The following NRXN1 variants were observed in gnomAD, a reference collection of about 807,000 sequenced individuals.
NRXN1 encodes neurexin 1.
NRXN1 carries 39 observed loss-of-function variants against 150.9 expected under a neutral mutation model. The ratio of observed to expected loss-of-function variants is 0.26; its 90% confidence interval spans 0.20 to 0.34. The LOEUF (loss-of-function observed/expected upper bound fraction) is 0.34. Among genes scored for constraint, NRXN1 ranks in the 10% least tolerant of loss-of-function variants. The probability of loss-of-function intolerance (pLI) is 1.00; values close to 1 mark genes in which losing one functional copy is unlikely to be tolerated. For missense variants in NRXN1, 1,815 were observed against 1,949.9 expected, an observed-to-expected ratio of 0.93 and a Z score of 1.30; for synonymous variants, 924 against 757.0, an observed-to-expected ratio of 1.22 and a Z score of -3.62.
intron 17 of NRXN1, among the ~76,000 whole-genome samples, chr2:50,411,086 C>T (rs1048971728): frequency 1.3e-4 from 19 of 151,714 alleles, no homozygotes; most frequent in Non-Finnish European, 2.9e-5. Context: ...TGGTCTCCCT[C>T]TGATGCCGAG....
chr2:49,922,106 C>T lies in NRXN1; in HGVS notation c.4362G>A (p.Lys1454=). Residue 1454 remains lysine, a synonymous_variant, in exon 23 of 23, where the codon AAG becomes AAA. Coordinates refer to ENST00000401669, the MANE Select transcript of NRXN1 (RefSeq NM_001330078.2). ...ATGAGCCTTCATCCCGGTTTCTGTA[C>T]TTGTACATGGCATAGAGGAGGATAA... is the stretch of plus-strand genomic sequence containing the variant. ...CILILLYAMY[K]YRNRDEGSYH... is the part of the protein sequence containing the mutation. 2 of 1,614,110 alleles carry T rather than the reference C, an allele frequency of 1.2e-6. No homozygotes were observed. Among genetic ancestry groups the T allele is most frequent in the Non-Finnish European group, 1.7e-6 (2 of 1,180,032 alleles).
intron 17 of NRXN1, among the ~76,000 whole-genome samples, chr2:50,431,264 A>G (rs1485752379): frequency 3.3e-5 from 5 of 152,152 alleles, no homozygotes; most frequent in East Asian, 1.9e-4. Context: ...CATAATTACC[A>G]TGGCTTACCT....
chr2:50,345,282 T>C (rs1045169737), intron 17 of NRXN1, among the ~76,000 whole-genome samples: 1 of 152,166 alleles, frequency 6.6e-6, no homozygotes, highest in Non-Finnish European at 1.5e-5. Flanking sequence ...ACTTGGTCTC[T>C]CTTCAGTTAG....
intron 1 of NRXN1, among the ~76,000 whole-genome samples, chr2:51,030,455 GTCA>G (rs1217161056): frequency 6.6e-6 from 1 of 151,868 alleles, no homozygotes; most frequent in Non-Finnish European, 1.5e-5. Flanking sequence ...CCCCACAGGT[GTCA>G]GCTGAGAGCC....
intron 21 of NRXN1, among the ~76,000 whole-genome samples, chr2:49,993,264 G>A (rs764099650): frequency 2.8e-4 from 42 of 152,166 alleles, no homozygotes; most frequent in Admixed American, 2.2e-3. Flanking sequence ...AAAAAGACAT[G>A]AAGGAATCTT....
At chr2:50,747,635 C>A (rs1700165146) in intron 5 of NRXN1, among the ~76,000 whole-genome samples, 1 of 152,050 alleles carries the variant, frequency 6.6e-6, no homozygotes, top group South Asian at 2.1e-4. Context: ...AGACTTAATT[C>A]TTCTCAAGGC....
At chr2:50,480,184 A>G (rs1367375297) in intron 15 of NRXN1, among the ~76,000 whole-genome samples, 1 of 152,216 alleles carries the variant, frequency 6.6e-6, no homozygotes, top group Non-Finnish European at 1.5e-5. Flanking sequence ...AGAGTAATAC[A>G]TGACCAGTTT....
chr2:50,975,575 T>C (rs530232650), intron 2 of NRXN1, among the ~76,000 whole-genome samples: 3 of 152,126 alleles, frequency 2.0e-5, no homozygotes, highest in Non-Finnish European at 4.4e-5. Flanking sequence ...ACCTCTGCCT[T>C]TGAGTCTCAT....
At chr2:50,008,352 A>T (rs1573376103) in intron 21 of NRXN1, among the ~76,000 whole-genome samples, 1 of 151,890 alleles carries the variant, frequency 6.6e-6, no homozygotes, top group African/African-American at 2.4e-5. Context: ...AGCTTCCTTT[A>T]CTGTTTAGAT....
At chr2:50,626,979 G>T (rs1250226659) in intron 5 of NRXN1, among the ~76,000 whole-genome samples, 1 of 151,736 alleles carries the variant, frequency 6.6e-6, no homozygotes, top group Non-Finnish European at 1.5e-5. Flanking sequence ...TATGAATAAT[G>T]AACAGATATT....
chr2:50,963,591 C>A (rs1241199648), intron 2 of NRXN1, among the ~76,000 whole-genome samples: 1 of 151,650 alleles, frequency 6.6e-6, no homozygotes, highest in Non-Finnish European at 1.5e-5. Context: ...ACAGAGAATT[C>A]TTCAGCAGTC....
intron 5 of NRXN1, among the ~76,000 whole-genome samples, chr2:50,864,488 G>C (rs1270177609): frequency 2.0e-5 from 3 of 151,972 alleles, no homozygotes; most frequent in Admixed American, 1.3e-4. Flanking sequence ...TTTTAAAGTA[G>C]TAATAATAAC....
At chr2:50,979,400 A>G (rs1221832399) in intron 2 of NRXN1, 9 of 413,612 alleles carry the variant, frequency 2.2e-5, no homozygotes, top group African/African-American at 1.2e-4. Flanking sequence ...AGGTATTTCC[A>G]TCTTGGGATA....
intron 18 of NRXN1, among the ~76,000 whole-genome samples, chr2:50,138,101 T>C (rs1706689607): frequency 6.6e-6 from 1 of 152,214 alleles, no homozygotes; most frequent in African/African-American, 2.4e-5. Context: ...GTAAAACGTA[T>C]TCATCATTTT....
intron 17 of NRXN1, among the ~76,000 whole-genome samples, chr2:50,339,785 C>CT (rs1182508730): frequency 6.6e-6 from 1 of 152,144 alleles, no homozygotes; most frequent in Non-Finnish European, 1.5e-5. Flanking sequence ...TGACTAAGTA[C>CT]CACAAGGTAA....
At chr2:49,988,111 A>T (rs1189604487) in intron 21 of NRXN1, among the ~76,000 whole-genome samples, 1 of 152,122 alleles carries the variant, frequency 6.6e-6, no homozygotes, top group Non-Finnish European at 1.5e-5. Context: ...TCCCTGCTAA[A>T]TTGCTGCAAA....
At chr2:50,295,696 T>C (rs904754589) in intron 17 of NRXN1, among the ~76,000 whole-genome samples, 1 of 152,204 alleles carries the variant, frequency 6.6e-6, no homozygotes, top group African/African-American at 2.4e-5. Flanking sequence ...TGCAGACTGA[T>C]TTCTAAGGCA....
rs189559401 is a variant in NRXN1 at position 50,636,357 on chromosome 2, C to G, written c.833-12742G>C. On this transcript the variant is annotated intron_variant, in intron 5 of 22. Coordinates refer to ENST00000401669, the MANE Select transcript of NRXN1 (RefSeq NM_001330078.2). Reference sequence around the variant, plus strand: ...TTCAGCTCTGCCCTTTACCACCCTACTTAGCCTCACTGGGCCTCATTTTCC... The same window carrying G: ...TTCAGCTCTGCCCTTTACCACCCTAGTTAGCCTCACTGGGCCTCATTTTCC... 4.0e-3 allele frequency among the ~76,000 whole-genome samples: 615 copies of G among 152,274 alleles called. 6 individuals carry two copies. Among genetic ancestry groups the G allele is most frequent in the Non-Finnish European group, 4.3e-3 (292 of 68,022 alleles).
intron 5 of NRXN1, among the ~76,000 whole-genome samples, chr2:50,788,075 C>T (rs572053883): frequency 1.3e-5 from 2 of 151,120 alleles, no homozygotes; most frequent in African/African-American, 4.8e-5. Flanking sequence ...ATCTTGCCTG[C>T]TTTATTATCT....
Sources: allele counts gnomAD v4.1 joint callset (sites outside exome capture counted in the v4.1 genomes callset), GRCh38; gene constraint gnomAD v4.1.1; transcripts MANE v1.5; gene names NCBI Gene and HGNC (gene_info 2026-07-23, HGNC 2026-07-21).